The following ATP10B variants were observed in gnomAD, a reference collection of about 807,000 sequenced individuals.
ATP10B encodes phospholipid-transporting ATPase VB.
A neutral mutation model predicts 141.2 loss-of-function variants in ATP10B; 122 were observed. The observed-to-expected ratio is 0.86, with a 90% CI of 0.75 to 1.00. The LOEUF (loss-of-function observed/expected upper bound fraction) is 1.00. Ranked by LOEUF, ATP10B falls within the 50% of genes least tolerant of loss-of-function variation. The probability of loss-of-function intolerance (pLI) is 0.00; values close to 1 mark genes in which losing one functional copy is unlikely to be tolerated. For missense variants in ATP10B, 1,876 were observed against 1,825.3 expected, an observed-to-expected ratio of 1.03 and a Z score of -0.51; for synonymous variants, 685 against 692.0, an observed-to-expected ratio of 0.99 and a Z score of 0.16.
intron 10 of ATP10B, 22 bp downstream of exon 10, chr5:160,640,439 T>C: frequency 6.2e-7 from 1 of 1,612,188 alleles, no homozygotes; most frequent in African/African-American, 1.3e-5. Context: ...TGTGTCCTTG[T>C]TCTTTCCAGA....
intron 1 of ATP10B, among the ~76,000 whole-genome samples, chr5:160,844,450 G>C (rs1467395992): frequency 6.6e-6 from 1 of 152,032 alleles, no homozygotes; most frequent in Non-Finnish European, 1.5e-5. Flanking sequence ...AGCTCCCTTA[G>C]TGTCGTAGGA....
intron 8 of ATP10B, among the ~76,000 whole-genome samples, chr5:160,648,709 T>C (rs950527371): frequency 2.0e-5 from 3 of 152,146 alleles, no homozygotes; most frequent in African/African-American, 7.2e-5. Flanking sequence ...TTTTATTTTA[T>C]GGATGTGGAA....
chr5:160,725,634 A>T (rs1766291524), intron 2 of ATP10B, among the ~76,000 whole-genome samples: 1 of 151,940 alleles, frequency 6.6e-6, no homozygotes, highest in Non-Finnish European at 1.5e-5. Context: ...TTTAGTAGAG[A>T]CGGGGTTTCA....
At chr5:160,826,815 G>A (rs1031519937) in intron 1 of ATP10B, among the ~76,000 whole-genome samples, 2 of 152,100 alleles carry the variant, frequency 1.3e-5, no homozygotes, top group Non-Finnish European at 2.9e-5. Flanking sequence ...GTTGAGATAA[G>A]GACTGAAATA....
At chr5:160,909,459 A>G in the ATP10B span, among the ~76,000 whole-genome samples, 1 of 152,212 alleles carries the variant, frequency 6.6e-6, no homozygotes, top group Non-Finnish European at 1.5e-5. Context: ...GACCACACAC[A>G]TGAGCAGAGG....
chr5:160,824,827 G>C (rs1385533255), intron 1 of ATP10B, among the ~76,000 whole-genome samples: 1 of 152,118 alleles, frequency 6.6e-6, no homozygotes, highest in African/African-American at 2.4e-5. Context: ...TTTTTCAATT[G>C]CATGTGAGAA....
chr5:160,715,182 G>A (rs1315799534), intron 3 of ATP10B, among the ~76,000 whole-genome samples: 1 of 147,748 alleles, frequency 6.8e-6, no homozygotes, highest in African/African-American at 2.5e-5. Context: ...ACCTAAGCAA[G>A]CCTGGGCAAT....
intron 24 of ATP10B, among the ~76,000 whole-genome samples, chr5:160,574,762 G>T (rs1040007224): frequency 6.8e-6 from 1 of 147,086 alleles, no homozygotes; most frequent in Admixed American, 6.7e-5. Flanking sequence ...CACAGTGTTT[G>T]TTTCATCTCT....
the ATP10B span, among the ~76,000 whole-genome samples, chr5:160,871,598 A>T: frequency 3.3e-5 from 5 of 152,110 alleles, no homozygotes; most frequent in Non-Finnish European, 7.4e-5. Flanking sequence ...TAGCTCCCAC[A>T]TATCAGTGAG....
intron 2 of ATP10B, among the ~76,000 whole-genome samples, chr5:160,755,904 A>G (rs1206119596): frequency 3.5e-5 from 5 of 141,602 alleles, no homozygotes; most frequent in Admixed American, 7.2e-5. Flanking sequence ...CCACTGTCAT[A>G]TATGTGGTCT....
intron 1 of ATP10B, among the ~76,000 whole-genome samples, chr5:160,844,938 G>T (rs149150739): frequency 6.6e-6 from 1 of 152,236 alleles, no homozygotes; most frequent in East Asian, 1.9e-4. Flanking sequence ...ATAACCACAA[G>T]AAATTACTAA....
At chr5:160,652,583 T>C (rs1760828578) in intron 7 of ATP10B, among the ~76,000 whole-genome samples, 1 of 143,842 alleles carries the variant, frequency 7.0e-6, no homozygotes, top group Non-Finnish European at 1.5e-5. Context: ...CTCAGCCTCC[T>C]GAGTAGCTGG....
intron 6 of ATP10B, among the ~76,000 whole-genome samples, chr5:160,679,641 G>A (rs1561744038): frequency 1.3e-5 from 2 of 152,176 alleles, no homozygotes; most frequent in Non-Finnish European, 2.9e-5. Context: ...TAAGTTCCTC[G>A]TGACCCCTAG....
Position 160,688,020 on chromosome 5 carries a change from C to A in ATP10B, c.55G>T (p.Gly19Cys), listed in dbSNP as rs202125356. The A allele has an allele frequency of 1.2e-5, 20 of 1,613,858 alleles. No homozygotes were observed. In the East Asian group the frequency reaches 4.0e-4, roughly 32 times the overall value. Reference protein sequence around the residue: ...WHRWQWRVRDGFPHCPSETTP... With the variant: ...WHRWQWRVRDCFPHCPSETTP... The stretch of plus-strand genomic sequence containing the variant: ...GTTTCCGATGGACAATGGGGGAAGC[C>A]ATCTCTGACTCTCCACTGCCACCGA... The change falls in exon 5 of 26, where the codon GGC becomes TGC. Residue 19 changes from glycine to cysteine, a missense_variant. Transcript: ENST00000327245.
intron 2 of ATP10B, among the ~76,000 whole-genome samples, chr5:160,719,833 A>C (rs1484143549): frequency 6.6e-6 from 1 of 152,232 alleles, no homozygotes; most frequent in Non-Finnish European, 1.5e-5. Context: ...ACTCAGTCCC[A>C]GAAGGTTAAG....
At chr5:160,674,832 T>C (rs917218579) in intron 6 of ATP10B, among the ~76,000 whole-genome samples, 2 of 152,188 alleles carry the variant, frequency 1.3e-5, no homozygotes, top group African/African-American at 2.4e-5. Context: ...TGAAAAATTT[T>C]ATTTATAGTA....
intron 2 of ATP10B, among the ~76,000 whole-genome samples, chr5:160,726,414 T>A (rs1411447136): frequency 6.6e-6 from 1 of 151,908 alleles, no homozygotes; most frequent in Non-Finnish European, 1.5e-5. Context: ...AGACTTGGAG[T>A]GGAGCTAAGT....
intron 2 of ATP10B, among the ~76,000 whole-genome samples, chr5:160,737,002 T>C (rs909159544): frequency 2.6e-5 from 4 of 151,970 alleles, no homozygotes; most frequent in Admixed American, 2.6e-4. Flanking sequence ...GATGCAAAAA[T>C]CCTTGACAAA....
the ATP10B span, among the ~76,000 whole-genome samples, chr5:160,872,337 C>T: frequency 0.45 from 69,101 of 151,964 alleles, 17,733 homozygotes; most frequent in East Asian, 0.67. Flanking sequence ...TGTCTGTTTA[C>T]TCTGCTGACT....
Sources: allele counts gnomAD v4.1 joint callset (sites outside exome capture counted in the v4.1 genomes callset), GRCh38; gene constraint gnomAD v4.1.1; transcripts MANE v1.5; gene names NCBI Gene and HGNC (gene_info 2026-07-23, HGNC 2026-07-21).